Variants in MPP7 observed in about 807,000 individuals in gnomAD.
MPP7 encodes MAGUK p55 scaffold protein 7.
MPP7 carries 60 observed loss-of-function variants against 76.5 expected under a neutral mutation model. That is an observed-to-expected ratio of 0.78 (90% confidence interval 0.64 to 0.97). The LOEUF (loss-of-function observed/expected upper bound fraction) is 0.97, where lower values mean the gene tolerates loss of function less well. Ranked by LOEUF, MPP7 falls within the 50% of genes least tolerant of loss-of-function variation. The probability of loss-of-function intolerance (pLI) is 0.00; values close to 1 mark genes in which losing one functional copy is unlikely to be tolerated. For missense variants in MPP7, 641 were observed against 694.0 expected (o/e 0.92, Z 0.86); for synonymous variants, 237 against 244.5 (o/e 0.97, Z 0.29).
At chr10:28,056,851 C>T (rs762153600) in intron 15 of MPP7, among the ~76,000 whole-genome samples, 1 of 152,140 alleles carries the variant, frequency 6.6e-6, no homozygotes, top group Non-Finnish European at 1.5e-5. Flanking sequence ...TCATAATTAA[C>T]ATTGAACAGA....
intron 3 of MPP7, among the ~76,000 whole-genome samples, chr10:28,195,899 C>T (rs1272721619): frequency 6.6e-6 from 1 of 152,132 alleles, no homozygotes; most frequent in Non-Finnish European, 1.5e-5. Context: ...ATACTAAAAA[C>T]CACTGAATTG....
In MPP7 at chr10:28,053,992, C is replaced by T; in HGVS notation, c.*73G>A. On this transcript the variant is annotated 3_prime_UTR_variant, in exon 17 of 17. Coordinates refer to ENST00000683449, the MANE Select transcript of MPP7 (RefSeq NM_001318170.2). ...TATGACAGTGATATAGATTTAAAAA[C>T]CCTACTACCAAAACTGTAATTGATT... 3.5e-6 allele frequency: 4 copies of T among 1,153,484 alleles called. No homozygotes were observed. Among genetic ancestry groups the T allele is most frequent in the Non-Finnish European group, 1.3e-6 (1 of 782,100 alleles). The allele number at this position is 1,153,484 out of a possible 1,614,324, so 71.5% of individuals were successfully genotyped here.
At chr10:28,057,460 C>T (rs1444032044) in intron 15 of MPP7, among the ~76,000 whole-genome samples, 2 of 152,090 alleles carry the variant, frequency 1.3e-5, no homozygotes, top group Non-Finnish European at 2.9e-5. Context: ...CTCTCTCTTC[C>T]TCCTGCTCTG....
chr10:28,291,707 T>C (rs1363807715), intron 1 of MPP7, among the ~76,000 whole-genome samples: 3 of 152,254 alleles, frequency 2.0e-5, no homozygotes, highest in Admixed American at 2.0e-4. Context: ...TTTTACATTT[T>C]AAAAAATTTT....
chr10:28,068,145 T>C lies in MPP7; in HGVS notation c.1204+1627A>G, dbSNP rs1317382097. Among the ~76,000 whole-genome samples, 3 of 152,280 alleles carry C rather than the reference T, an allele frequency of 2.0e-5. No homozygotes were observed. In the East Asian group the frequency reaches 5.8e-4, roughly 29 times the overall value. ...AAGCTTAAAAATTATTTTGTAAAAT[T>C]TTCTAATAACTTATATATTGCAATT... On this transcript the variant is annotated intron_variant, in intron 13 of 16. Transcript: ENST00000683449.
chr10:28,119,052 G>A, intron 11 of MPP7: 2 of 985,324 alleles, frequency 2.0e-6, no homozygotes, highest in South Asian at 4.7e-5. Flanking sequence ...AAAGCTGACA[G>A]AAGATTAGGC....
In MPP7 at chr10:28,054,109, C is replaced by A. The variant is rs761501342; in HGVS notation, c.1687G>T (p.Glu563Ter). The A allele has an allele frequency of 1.2e-6, 2 of 1,613,742 alleles. No individual in the cohort carries two copies. The highest frequency in any genetic ancestry group is 1.7e-6 in the Non-Finnish European group (2 of 1,179,932). The change falls in exon 17 of 17, where the codon GAG (glutamate) becomes TAG (stop). Residue 563 changes from glutamate (E) to a stop codon, truncating the protein, a stop_gained. Coordinates refer to ENST00000683449, the MANE Select transcript of MPP7 (RefSeq NM_001318170.2). LOFTEE classifies it high-confidence loss of function. ...NELKTTFDKL[E>*]TETHWVPVSW... ...ACTGGCACCCAATGGGTCTCTGTCT[C>A]TAATTTGTCAAAAGTTGTTTTGAGC...
intron 2 of MPP7, among the ~76,000 whole-genome samples, chr10:28,237,342 A>G (rs917442745): frequency 6.6e-6 from 1 of 152,184 alleles, no homozygotes; most frequent in Non-Finnish European, 1.5e-5. Context: ...CCTAAAAAGA[A>G]GAAAAAAAAT....
intron 2 of MPP7, among the ~76,000 whole-genome samples, chr10:28,318,643 C>A (rs890768097): frequency 1.3e-5 from 2 of 152,126 alleles, no homozygotes; most frequent in African/African-American, 4.8e-5. Flanking sequence ...TGAGATCATG[C>A]CACTGCACTC....
intron 11 of MPP7, among the ~76,000 whole-genome samples, chr10:28,092,739 A>AG (rs1853375265): frequency 1.7e-5 from 1 of 57,560 alleles, no homozygotes; most frequent in Non-Finnish European, 3.0e-5. Flanking sequence ...CACCTGGCTC[A>AG]ATTTTTTTTT....
At chr10:28,312,811 A>G (rs907615708) in intron 2 of MPP7, among the ~76,000 whole-genome samples, 1 of 152,224 alleles carries the variant, frequency 6.6e-6, no homozygotes, top group Non-Finnish European at 1.5e-5. Flanking sequence ...GTTATCCTAG[A>G]AACTATGCCA....
At chr10:28,067,124 T>C (rs141050371) in intron 13 of MPP7, among the ~76,000 whole-genome samples, 40 of 152,318 alleles carry the variant, frequency 2.6e-4, no homozygotes, top group African/African-American at 8.4e-4. Flanking sequence ...TGCTACTTAG[T>C]TTTCCAAAAT....
intron 2 of MPP7, among the ~76,000 whole-genome samples, chr10:28,234,463 C>T (rs979377477): frequency 3.9e-5 from 6 of 151,950 alleles, no homozygotes; most frequent in Non-Finnish European, 8.8e-5. Flanking sequence ...GTGGGCTGCA[C>T]AAAGAGACTT....
chr10:28,322,589 C>A (rs12253991), intron 2 of MPP7, among the ~76,000 whole-genome samples: 5 of 152,028 alleles, frequency 3.3e-5, no homozygotes, highest in Admixed American at 2.0e-4. Flanking sequence ...TGTCTCTTTC[C>A]TTTGATTTCT....
At chr10:28,162,976 C>T (rs1836314178) in intron 3 of MPP7, among the ~76,000 whole-genome samples, 1 of 152,056 alleles carries the variant, frequency 6.6e-6, no homozygotes, top group Non-Finnish European at 1.5e-5. Context: ...TGGTTGGACC[C>T]AACTGAATAG....
intron 13 of MPP7, among the ~76,000 whole-genome samples, chr10:28,068,641 T>C (rs1394815518): frequency 6.6e-6 from 1 of 152,186 alleles, no homozygotes; most frequent in Non-Finnish European, 1.5e-5. Flanking sequence ...TTAAACTATA[T>C]AGCCATGAAA....
chr10:28,125,120 T>C (rs771671407), intron 6 of MPP7, 29 bp from the exon 7 acceptor site: 1 of 1,569,626 alleles, frequency 6.4e-7, no homozygotes, highest in Non-Finnish European at 8.8e-7. Context: ...AAAGCATTTG[T>C]GGGTAAATGT....
At chr10:28,269,176 C>T (rs1439785686) in intron 1 of MPP7, among the ~76,000 whole-genome samples, 1 of 152,142 alleles carries the variant, frequency 6.6e-6, no homozygotes, top group Non-Finnish European at 1.5e-5. Flanking sequence ...TGATGCAGGA[C>T]CTTTGGGAGA....
At chr10:28,296,017 T>C (rs1379778924) in intron 1 of MPP7, among the ~76,000 whole-genome samples, 1 of 152,262 alleles carries the variant, frequency 6.6e-6, no homozygotes, top group African/African-American at 2.4e-5. Context: ...AAGTCATTAA[T>C]TTTATAAATT....
Sources: gnomAD v4.1 joint callset for allele counts (sites outside exome capture counted in the v4.1 genomes callset) on GRCh38, gnomAD v4.1.1 for gene constraint, MANE v1.5 for transcripts, NCBI Gene and HGNC (gene_info 2026-07-23, HGNC 2026-07-21) for gene names.